Variants in NR3C2 observed in about 807,000 individuals in gnomAD.
The protein encoded by NR3C2 is nuclear receptor subfamily 3 group C member 2.
In NR3C2, 15 loss-of-function variants were observed where a neutral mutation model predicts 86.4. The observed-to-expected ratio is 0.17, with a 90% CI of 0.12 to 0.27. NR3C2 has a LOEUF of 0.27. NR3C2 is among the 10% of genes least tolerant of loss of function. NR3C2 has a pLI of 1.00. For synonymous variants in NR3C2, 458 were observed against 450.5 expected (o/e 1.02, Z -0.21); for missense variants, 960 against 1,195.6 (o/e 0.80, Z 2.91).
chr4:148,328,955 T>C (rs1276630672), intron 2 of NR3C2, among the ~76,000 whole-genome samples: 2 of 152,180 alleles, frequency 1.3e-5, no homozygotes, highest in African/African-American at 4.8e-5. Context: ...TAAAACTACA[T>C]TATTTTCTCC....
chr4:148,431,181 T>C (rs1022537721), intron 2 of NR3C2, among the ~76,000 whole-genome samples: 1 of 152,108 alleles, frequency 6.6e-6, no homozygotes, highest in Admixed American at 6.5e-5. Flanking sequence ...AATCTGGTTT[T>C]AAAAAAACAC....
chr4:148,390,352 A>T (rs1747480810), intron 2 of NR3C2, among the ~76,000 whole-genome samples: 1 of 152,172 alleles, frequency 6.6e-6, no homozygotes, highest in African/African-American at 2.4e-5. Context: ...ACAGAAAAGT[A>T]TCTTGGGGTG....
chr4:148,126,264 A>G (rs918454097), intron 6 of NR3C2, among the ~76,000 whole-genome samples: 1 of 152,188 alleles, frequency 6.6e-6, no homozygotes, highest in African/African-American at 2.4e-5. Flanking sequence ...TCTTGCAGGG[A>G]TGTATGAACT....
chr4:148,141,292 G>C (rs926235057), intron 6 of NR3C2, among the ~76,000 whole-genome samples: 5 of 152,058 alleles, frequency 3.3e-5, no homozygotes, highest in African/African-American at 1.2e-4. Context: ...AAATTAGCTG[G>C]GTGTGGTGGC....
chr4:148,200,372 G>A (rs1011079106), intron 3 of NR3C2, among the ~76,000 whole-genome samples: 20 of 115,322 alleles, frequency 1.7e-4, no homozygotes, highest in African/African-American at 4.8e-4. Context: ...CCCCCTTCCC[G>A]CCTGCTATAT....
In NR3C2 at chr4:148,120,188, T is replaced by C; in HGVS notation, c.2611A>G (p.Ile871Val). 1 of 1,614,176 alleles carries C rather than the reference T, an allele frequency of 6.2e-7. No individual in the cohort carries two copies. The highest frequency in any genetic ancestry group is 8.5e-7 in the Non-Finnish European group (1 of 1,180,000). Reference protein sequence around the residue: ...RLQLTFEEYTIMKVLLLLSTI... With the variant: ...RLQLTFEEYTVMKVLLLLSTI... ...CTTAGTAGCAGCAAAACTTTCATGA[T>C]GGTGTATTCTTCAAAGGTGAGCTGC... is the stretch of plus-strand genomic sequence containing the variant. The change falls in exon 7 of 9, where the codon ATC (isoleucine) becomes GTC (valine). Residue 871 changes from isoleucine (I) to valine (V), a missense_variant. Transcript: ENST00000358102.
intron 3 of NR3C2, among the ~76,000 whole-genome samples, chr4:148,228,946 T>G (rs375318629): frequency 3.0e-4 from 45 of 152,234 alleles, no homozygotes; most frequent in African/African-American, 9.6e-4. Flanking sequence ...ATGATGCCTA[T>G]AAAAGAGCTG....
chr4:148,331,212 T>C (rs1389498665), intron 2 of NR3C2, among the ~76,000 whole-genome samples: 1 of 152,184 alleles, frequency 6.6e-6, no homozygotes, highest in East Asian at 1.9e-4. Flanking sequence ...GTCATTTTGC[T>C]AGTAGTAAAA....
rs1749973974 is a variant in NR3C2 at position 148,435,142 on chromosome 4, C to T, written c.1719G>A (p.Gly573=). The change falls in exon 2 of 9, where the codon GGG becomes GGA. Residue 573 remains glycine, a synonymous_variant. Transcript: ENST00000358102. The stretch of plus-strand genomic sequence containing the variant: ...CTGGAATGTATTCTAAGACCGGATA[C>T]CCATCACTTCTTCTAGACGACAGGT... ...HGDLSSRRSD[G]YPVLEYIPEN... 1.9e-6 allele frequency: 3 copies of T among 1,614,038 alleles called. No individual in the cohort carries two copies. The highest frequency in any genetic ancestry group is 2.2e-5 in the South Asian group (2 of 91,084).
At position 148,324,793 on chromosome 4, in the gene NR3C2, T is replaced by C. The variant is rs931544162; in HGVS notation, c.1758-64676A>G. Among the ~76,000 whole-genome samples, 4 of 152,260 alleles carry C rather than the reference T, an allele frequency of 2.6e-5. No homozygotes were observed. The East Asian group carries it at 7.7e-4, about 29-fold the overall frequency. On this transcript the variant is annotated intron_variant, in intron 2 of 8. Coordinates refer to ENST00000358102, the MANE Select transcript of NR3C2 (RefSeq NM_000901.5). ...TATTTCATATCTTAAATATGTACAA[T>C]TTTTATCCATTATATCTCAGAAAAG...
rs1189581392 is a variant in NR3C2 at position 148,105,082 on chromosome 4, G to T, written c.2799+9022C>A. Among the ~76,000 whole-genome samples the T allele has an allele frequency of 2.6e-5, 4 of 152,098 alleles. No homozygotes were observed. The East Asian group carries it at 7.7e-4, about 29-fold the overall frequency. On this transcript the variant is annotated intron_variant, in intron 8 of 8. Coordinates refer to ENST00000358102, the MANE Select transcript of NR3C2 (RefSeq NM_000901.5). ...AAAGTAGGTTTGTGTCTCCCTCTAA[G>T]TCCCCTCTAGTGTGATCCTGAGGGA...
chr4:148,147,833 G>C (rs1409811224), intron 6 of NR3C2, among the ~76,000 whole-genome samples: 1 of 152,170 alleles, frequency 6.6e-6, no homozygotes, highest in African/African-American at 2.4e-5. Flanking sequence ...AATGTGTAAG[G>C]CATTGGCAGG....
At chr4:148,371,570 CT>C (rs1746423390) in intron 2 of NR3C2, among the ~76,000 whole-genome samples, 1 of 151,848 alleles carries the variant, frequency 6.6e-6, no homozygotes, top group Admixed American at 6.6e-5. Flanking sequence ...ACCTAGTGAC[CT>C]TGTGTGCACC....
At chr4:148,193,848 A>G (rs1382709516) in intron 4 of NR3C2, among the ~76,000 whole-genome samples, 1 of 152,202 alleles carries the variant, frequency 6.6e-6, no homozygotes. Flanking sequence ...TATATAGTTA[A>G]GAGCTGGTAT....
At chr4:148,220,159 T>C (rs973205428) in intron 3 of NR3C2, among the ~76,000 whole-genome samples, 3 of 152,068 alleles carry the variant, frequency 2.0e-5, no homozygotes, top group Admixed American at 6.5e-5. Context: ...CAATCATTGC[T>C]CACTGCAGTC....
chr4:148,189,185 T>C (rs981170840), intron 4 of NR3C2, among the ~76,000 whole-genome samples: 3 of 152,140 alleles, frequency 2.0e-5, no homozygotes, highest in African/African-American at 7.2e-5. Flanking sequence ...CACCTCAGTC[T>C]CCCAAAGTGT....
At chr4:148,283,492 C>T (rs1741352838) in intron 2 of NR3C2, among the ~76,000 whole-genome samples, 2 of 152,134 alleles carry the variant, frequency 1.3e-5, no homozygotes, top group South Asian at 4.1e-4. Context: ...ATGGTGATCA[C>T]CAGGCTTGCA....
chr4:148,422,140 A>T (rs1272541826), intron 2 of NR3C2, among the ~76,000 whole-genome samples: 2 of 152,094 alleles, frequency 1.3e-5, no homozygotes, highest in African/African-American at 4.8e-5. Flanking sequence ...AAGAGGGGGA[A>T]AAATGCTATT....
intron 4 of NR3C2, among the ~76,000 whole-genome samples, chr4:148,174,765 T>TCC (rs1190850180): frequency 6.6e-6 from 1 of 152,098 alleles, no homozygotes; most frequent in African/African-American, 2.4e-5. Flanking sequence ...GGGTCCCTCC[T>TCC]TCTCCTCCTC....
Sources: allele counts gnomAD v4.1 joint callset (sites outside exome capture counted in the v4.1 genomes callset), GRCh38; gene constraint gnomAD v4.1.1; transcripts MANE v1.5; gene names NCBI Gene and HGNC (gene_info 2026-07-23, HGNC 2026-07-21).